Variants in ASNS observed in about 807,000 individuals in gnomAD.
The protein encoded by ASNS is asparagine synthetase [glutamine-hydrolyzing].
ASNS carries 37 observed loss-of-function variants against 62.6 expected under a neutral mutation model. The observed-to-expected ratio is 0.59, with a 90% CI of 0.45 to 0.78. ASNS has a LOEUF of 0.78. ASNS is among the 30% of genes least tolerant of loss of function. The pLI is 0.00. For synonymous variants in ASNS, 207 were observed against 237.9 expected (o/e 0.87, Z 1.19); for missense variants, 520 against 682.4 (o/e 0.76, Z 2.65).
At chr7:97,857,207 T>C (rs1453611756) in intron 7 of ASNS, among the ~76,000 whole-genome samples, 1 of 152,192 alleles carries the variant, frequency 6.6e-6, no homozygotes, top group African/African-American at 2.4e-5. Flanking sequence ...TATTCTTATA[T>C]AGAATGGCCC....
At chr7:97,893,296 T>C in the ASNS span, among the ~76,000 whole-genome samples, 1 of 152,234 alleles carries the variant, frequency 6.6e-6, no homozygotes, top group Non-Finnish European at 1.5e-5. Flanking sequence ...CAAGATGAGA[T>C]CTGAGTGGGG....
At chr7:97,921,368 T>C in the ASNS span, among the ~76,000 whole-genome samples, 2 of 152,244 alleles carry the variant, frequency 1.3e-5, no homozygotes, top group African/African-American at 2.4e-5. Flanking sequence ...GTCCCAACTA[T>C]TCAACTCTCT....
chr7:97,894,420 A>C, the ASNS span, among the ~76,000 whole-genome samples: 1 of 150,998 alleles, frequency 6.6e-6, no homozygotes, highest in African/African-American at 2.4e-5. Flanking sequence ...AGAATCAACA[A>C]GATAAAAGTT....
chr7:97,879,460 G>A, the ASNS span, among the ~76,000 whole-genome samples: 1 of 152,228 alleles, frequency 6.6e-6, no homozygotes, highest in African/African-American at 2.4e-5. Context: ...ATGGGATGTA[G>A]TGATTATGTT....
the ASNS span, among the ~76,000 whole-genome samples, chr7:97,918,137 G>C: frequency 6.6e-6 from 1 of 152,174 alleles, no homozygotes; most frequent in African/African-American, 2.4e-5. Context: ...GTAGGGGCTG[G>C]ACCCCCCAGG....
chr7:97,928,309 G>A, the ASNS span: 16 of 1,440,410 alleles, frequency 1.1e-5, no homozygotes, highest in Middle Eastern at 2.4e-4. Context: ...ATGGCTCCGG[G>A]GGCTCTGCCT....
the ASNS span, among the ~76,000 whole-genome samples, chr7:97,917,000 G>C: frequency 6.6e-6 from 1 of 152,130 alleles, no homozygotes. Flanking sequence ...AGTGGCCCGA[G>C]AGGATCTTCT....
intron 1 of ASNS, chr7:97,870,244 C>A: frequency 1.3e-6 from 1 of 798,580 alleles, no homozygotes; most frequent in Non-Finnish European, 1.9e-6. Flanking sequence ...AGATTGTACA[C>A]AGAGGTCCAG....
chr7:97,920,086 C>T, the ASNS span, among the ~76,000 whole-genome samples: 433 of 151,970 alleles, frequency 2.8e-3, 3 homozygotes, highest in African/African-American at 9.9e-3. Flanking sequence ...CAGCTCACTG[C>T]AAACTCCACC....
At chr7:97,883,188 A>G in the ASNS span, among the ~76,000 whole-genome samples, 3 of 150,928 alleles carry the variant, frequency 2.0e-5, no homozygotes, top group Non-Finnish European at 2.9e-5. Flanking sequence ...GCAAATAAAC[A>G]TTCATTCCTC....
chr7:97,894,109 T>C, the ASNS span, among the ~76,000 whole-genome samples: 5 of 152,124 alleles, frequency 3.3e-5, no homozygotes, highest in African/African-American at 1.2e-4. Context: ...ACATTAAACA[T>C]GCTATTGAAT....
the ASNS span, among the ~76,000 whole-genome samples, chr7:97,910,268 C>T: frequency 6.6e-6 from 1 of 152,296 alleles, no homozygotes; most frequent in African/African-American, 2.4e-5. Flanking sequence ...ATTTAATAAG[C>T]ACCCACACAC....
At chr7:97,858,248 A>G in intron 7 of ASNS, 30 bp downstream of exon 7, 1 of 1,610,404 alleles carries the variant, frequency 6.2e-7, no homozygotes, top group Non-Finnish European at 8.5e-7. Context: ...CTCTAACTAC[A>G]CTACACAAGG....
chr7:97,869,191 A>G lies in ASNS; in HGVS notation c.-23-12T>C, dbSNP rs374369031. On this transcript the variant is annotated splice_polypyrimidine_tract_variant and intron_variant, in intron 2 of 12. Transcript: ENST00000394308. ...AAGCTATAAGCTTTCTATGGAGAGA[A>G]AAGCAGACAAATCAAAAATATTCAA... 2.9e-5 allele frequency: 46 copies of G among 1,601,586 alleles called. No homozygotes were observed. Among genetic ancestry groups the G allele is most frequent in the Non-Finnish European group, 3.8e-5 (45 of 1,171,272 alleles).
chr7:97,895,076 T>C, the ASNS span, among the ~76,000 whole-genome samples: 1 of 152,148 alleles, frequency 6.6e-6, no homozygotes, highest in African/African-American at 2.4e-5. Flanking sequence ...CATACACAAA[T>C]CAATACATGT....
chr7:97,927,072 T>TTC, the ASNS span, among the ~76,000 whole-genome samples: 4 of 20,206 alleles, frequency 2.0e-4, no homozygotes, highest in South Asian at 7.1e-3. Flanking sequence ...CACACCTGGC[T>TTC]TTTTTTTTTT....
intron 9 of ASNS, 148 bp from the exon 10 acceptor site, chr7:97,854,828 C>T: frequency 1.4e-6 from 2 of 1,404,814 alleles, no homozygotes; most frequent in Admixed American, 2.2e-5. Flanking sequence ...GTAAGCAATG[C>T]TTCACAAAAC....
chr7:97,896,657 C>CATGTATATGTATAT, the ASNS span, among the ~76,000 whole-genome samples: 1 of 110,330 alleles, frequency 9.1e-6, no homozygotes, highest in Non-Finnish European at 1.9e-5. Flanking sequence ...TGTATATATA[C>CATGTATATGTATAT]GTATATATGT....
At position 97,871,122 on chromosome 7, in the gene ASNS, T is replaced by G. The variant is rs555251325; in HGVS notation, c.-60+1229A>C. Among the ~76,000 whole-genome samples, 13 of 152,350 alleles carry G rather than the reference T, an allele frequency of 8.5e-5. No individual in the cohort carries two copies. The South Asian group carries it at 2.7e-3, about 32-fold the overall frequency. On this transcript the variant is annotated intron_variant, in intron 1 of 12. Transcript: ENST00000394308. ...ATTAAAAGAAAAAGGTGAAATTAAT[T>G]TTAAATAAACTTAACTCAGTATGTC...
Sources: allele counts gnomAD v4.1 joint callset (sites outside exome capture counted in the v4.1 genomes callset), GRCh38; gene constraint gnomAD v4.1.1; transcripts MANE v1.5; gene names NCBI Gene and HGNC (gene_info 2026-07-23, HGNC 2026-07-21).